Variants in UGT1A3 observed in about 807,000 individuals in gnomAD.
The protein encoded by UGT1A3 is UDP-glucuronosyltransferase 1A3.
UGT1A3 carries 31 observed loss-of-function variants against 41.0 expected under a neutral mutation model. The observed-to-expected ratio is 0.76, with a 90% confidence interval of 0.57 to 1.02. UGT1A3 has a LOEUF of 1.02. UGT1A3 is among the 50% of genes least tolerant of loss of function. The pLI, the probability that UGT1A3 is intolerant of heterozygous loss-of-function variation, is 0.00. For synonymous variants in UGT1A3, 262 were observed against 257.6 expected (o/e 1.02, Z -0.17); for missense variants, 737 against 671.0 (o/e 1.10, Z -1.09).
chr2:233,760,978 G>A, intron 1 of UGT1A3: 1 of 1,614,208 alleles, frequency 6.2e-7, no homozygotes, highest in Non-Finnish European at 8.5e-7. Flanking sequence ...TTCCCCGTAT[G>A]CAACCCTTGC....
intron 1 of UGT1A3, among the ~76,000 whole-genome samples, chr2:233,764,942 G>T (rs12479045): frequency 6.6e-6 from 1 of 152,080 alleles, no homozygotes; most frequent in African/African-American, 2.4e-5. Flanking sequence ...TGAGAGTGGC[G>T]GGGAGAGAGG....
At position 233,767,074 on chromosome 2, in the gene UGT1A3, T is replaced by C. The variant is rs747099261; in HGVS notation, c.908T>C (p.Ile303Thr). Residue 303 changes from isoleucine to threonine, a missense_variant, in exon 2 of 5, where the codon ATT becomes ACT. Transcript: ENST00000482026. The part of the protein sequence containing the change: ...AYINASGEHG[I>T]VVFSLGSMVS... ...ATTAATGCTTCTGGAGAACATGGAA[T>C]TGTGGTTTTCTCTTTGGGATCAATG... is the stretch of plus-strand genomic sequence containing the variant. 2.5e-6 allele frequency: 4 copies of C among 1,614,130 alleles called. No individual in the cohort carries two copies. The highest frequency in any genetic ancestry group is 1.1e-5 in the South Asian group (1 of 91,076).
At chr2:233,733,214 A>T (rs920142608) in intron 1 of UGT1A3, among the ~76,000 whole-genome samples, 1 of 152,180 alleles carries the variant, frequency 6.6e-6, no homozygotes, top group African/African-American at 2.4e-5. Flanking sequence ...TTGGGCTGAG[A>T]CAATGGGGTT....
chr2:233,749,830 G>A (rs1694282037), intron 1 of UGT1A3, among the ~76,000 whole-genome samples: 1 of 151,888 alleles, frequency 6.6e-6, no homozygotes, highest in African/African-American at 2.4e-5. Flanking sequence ...TCTCTTTCAT[G>A]TAAGACGTGT....
chr2:233,769,915 T>C lies in UGT1A3; in HGVS notation c.1307+1476T>C, dbSNP rs906114329. 1 of 293,246 alleles carries C rather than the reference T, an allele frequency of 3.4e-6. No individual in the cohort carries two copies. The allele number at this position is 293,246 out of a possible 1,614,324, so 18.2% of individuals were successfully genotyped here. Reference sequence around the variant, plus strand: ...ACCTGAGCATCATGTGCCCAGAGCGTTGGGTGGTGTGGTCCCATTCCTTCC... The same window carrying C: ...ACCTGAGCATCATGTGCCCAGAGCGCTGGGTGGTGTGGTCCCATTCCTTCC... On this transcript the variant is annotated intron_variant, in intron 4 of 4. Transcript: ENST00000482026. The surrounding 1 kb of genome is among the most constrained non-coding windows in gnomAD (Gnocchi z 4.4).
chr2:233,735,013 G>A (rs1042538145), intron 1 of UGT1A3, among the ~76,000 whole-genome samples: 1 of 152,194 alleles, frequency 6.6e-6, no homozygotes, highest in Non-Finnish European at 1.5e-5. Context: ...GGAGAGTTCT[G>A]TAGATGTCTA....
At chr2:233,735,868 CAG>C (rs201129034) in intron 1 of UGT1A3, among the ~76,000 whole-genome samples, 5,840 of 152,248 alleles carry the variant, frequency 0.038, 150 homozygotes, top group Non-Finnish European at 0.054. Flanking sequence ...AGGGTTTCTG[CAG>C]AGAGATCTGC....
In UGT1A3 at chr2:233,767,858, C is replaced by T. The variant is rs139607673; in HGVS notation, c.1009C>T (p.Arg337Trp). 6.2e-6 allele frequency: 10 copies of T among 1,614,002 alleles called. No homozygotes were observed. Among genetic ancestry groups the T allele is most frequent in the Admixed American group, 3.3e-5 (2 of 59,992 alleles). ...TTTTTGCCCCTCCCAGGTCCTGTGG[C>T]GGTACACTGGAACCCGACCATCGAA... ...LGKIPQTVLWRYTGTRPSNLA... is the reference protein window; with the variant it reads ...LGKIPQTVLWWYTGTRPSNLA... The change falls in exon 3 of 5, where the codon CGG (arginine) becomes TGG (tryptophan). Residue 337 changes from arginine to tryptophan, a missense_variant. Transcript: ENST00000482026.
In UGT1A3 at chr2:233,729,134, C is replaced by T. The variant is rs143371539; in HGVS notation, c.8C>T (p.Thr3Ile). ...TCCGTGTCTTCTGCTGAGATGGCCA[C>T]AGGACTCCAGGTTCCCCTGCCGTGG... MA[T>I]GLQVPLPWLA... Residue 3 changes from threonine to isoleucine, a missense_variant, in exon 1 of 5, where the codon ACA becomes ATA. By Grantham distance (89) the Thr-to-Ile change is moderately conservative. Coordinates refer to ENST00000482026, the MANE Select transcript of UGT1A3 (RefSeq NM_019093.4). 4 of 1,613,290 alleles carry T rather than the reference C, an allele frequency of 2.5e-6. No homozygotes were observed. Among genetic ancestry groups the T allele is most frequent in the Middle Eastern group, 1.8e-4 (1 of 5,412 alleles).
chr2:233,746,266 G>A (rs573360161), intron 1 of UGT1A3, among the ~76,000 whole-genome samples: 7 of 151,810 alleles, frequency 4.6e-5, no homozygotes, highest in South Asian at 4.1e-4. Context: ...AGAACAAAAC[G>A]CTGTGGGGAT....
chr2:233,736,300 A>G (rs1483271188), intron 1 of UGT1A3, among the ~76,000 whole-genome samples: 4 of 152,002 alleles, frequency 2.6e-5, no homozygotes, highest in Non-Finnish European at 1.5e-5. Flanking sequence ...AGTTGCTCTA[A>G]TCAGCTATTG....
At chr2:233,750,638 T>A (rs1330204251) in intron 1 of UGT1A3, 1 of 150,162 alleles carries the variant, frequency 6.7e-6, no homozygotes, top group Non-Finnish European at 1.5e-5. Context: ...CCCCCTGCTG[T>A]GTGCAGCCTC....
rs567983047 is a variant in UGT1A3, at chr2:233,769,352, G to A, written c.1307+913G>A. On this transcript the variant is annotated intron_variant, in intron 4 of 4. Transcript: ENST00000482026. This position sits in a 1 kb window ranked among gnomAD's most constrained non-coding sequence, Gnocchi z 4.4. The stretch of plus-strand genomic sequence containing the variant: ...GCTTATTAGAACCTTATGGGAAGAA[G>A]TGGTGGCCAGTGGTAGATTTCATCC... 6.6e-6 allele frequency among the ~76,000 whole-genome samples: 1 copy of A among 152,372 alleles called. No homozygotes were observed. Among genetic ancestry groups the A allele is most frequent in the East Asian group, 1.9e-4 (1 of 5,194 alleles).
chr2:233,740,535 G>A (rs566003594), intron 1 of UGT1A3, among the ~76,000 whole-genome samples: 2 of 151,952 alleles, frequency 1.3e-5, no homozygotes, highest in South Asian at 2.1e-4. Context: ...CAGCTGTGTT[G>A]AACTCCAGCC....
chr2:233,755,188 G>A (rs1436949079), intron 1 of UGT1A3: 2 of 1,163,192 alleles, frequency 1.7e-6, no homozygotes, highest in Admixed American at 1.9e-5. Flanking sequence ...TGCCACTTGA[G>A]CGCCAGCTTG....
rs548170918 is a variant in UGT1A3, at chr2:233,735,411, T to G, written c.867+5418T>G. ...TTTTGAGCCTATGTGTGTCTCTGCA[T>G]GTGAGATAGGCCTCCTGAATACAGC... On this transcript the variant is annotated intron_variant, in intron 1 of 4. Coordinates refer to ENST00000482026, the MANE Select transcript of UGT1A3 (RefSeq NM_019093.4). 2.6e-5 allele frequency among the ~76,000 whole-genome samples: 4 copies of G among 152,294 alleles called. 1 individual carries two copies. In the Middle Eastern group the frequency reaches 0.014, roughly 518 times the overall value.
chr2:233,743,421 G>A (rs1692287450), intron 1 of UGT1A3: 1 of 1,339,950 alleles, frequency 7.5e-7, no homozygotes, highest in African/African-American at 1.5e-5. Flanking sequence ...TTCCCAGGGA[G>A]CCAAAGGAAC....
intron 1 of UGT1A3, among the ~76,000 whole-genome samples, chr2:233,758,085 A>G (rs1336263007): frequency 6.6e-6 from 1 of 152,196 alleles, no homozygotes; most frequent in African/African-American, 2.4e-5. Flanking sequence ...AGTTCCTAGC[A>G]TAGTGACTGC....
rs950932071 is a variant in UGT1A3 at position 233,766,252 on chromosome 2, CGCTCAGTGGCCCGG to C, written c.868-777_868-764del. ...GGAAGGGTTTCCCCTGGAGTCAGAC[CGCTCAGTGGCCCGG>C]GCTCGGTGGCCCGGGCTCGGTGGCC... On this transcript the variant is annotated intron_variant, in intron 1 of 4. Coordinates refer to ENST00000482026, the MANE Select transcript of UGT1A3 (RefSeq NM_019093.4). 1.1e-4 allele frequency among the ~76,000 whole-genome samples: 17 copies of C among 151,626 alleles called. 1 individual carries two copies. The highest frequency in any genetic ancestry group is 3.4e-4 in the African/African-American group (14 of 41,194).
Sources: gnomAD v4.1 joint callset for allele counts (sites outside exome capture counted in the v4.1 genomes callset) on GRCh38, gnomAD v4.1.1 for gene constraint, Gnocchi (gnomAD v3.1) non-coding constraint, MANE v1.5 for transcripts, NCBI Gene and HGNC (gene_info 2026-07-23, HGNC 2026-07-21) for gene names.